Variants in CYFIP1 observed in about 807,000 individuals in gnomAD.
CYFIP1 encodes the protein cytoplasmic FMR1 interacting protein 1, also known as cytoplasmic FMR1-interacting protein 1.
Under a neutral mutation model 163.5 loss-of-function variants are expected in CYFIP1, and 58 were observed. The observed-to-expected ratio is 0.35, with a 90% CI of 0.29 to 0.44. The LOEUF (loss-of-function observed/expected upper bound fraction) is 0.44. Among genes scored for constraint, CYFIP1 ranks in the 20% least tolerant of loss-of-function variants. The pLI is 1.00. For missense variants in CYFIP1, 1,338 were observed against 1,653.8 expected (o/e 0.81, Z 3.31); for synonymous variants, 663 against 660.7 (o/e 1.00, Z -0.05).
chr15:22,955,828 C>T lies in CYFIP1; in HGVS notation c.-6-8537G>A, dbSNP rs150727797. 1.9e-3 allele frequency among the ~76,000 whole-genome samples: 296 copies of T among 152,314 alleles called. 12 individuals carry two copies. The South Asian group carries it at 0.056, about 29-fold the overall frequency. ...CCCTGGACCTCACTTCTCCACACAG[C>T]AGACATCCCAGGAGATGGGAGGGTG... On this transcript the variant is annotated intron_variant, in intron 1 of 30. Coordinates refer to ENST00000617928, the MANE Select transcript of CYFIP1 (RefSeq NM_014608.6).
At chr15:22,918,964 G>A (rs1292038655) in intron 13 of CYFIP1, 106 bp from the exon 14 acceptor site, 19 of 876,584 alleles carry the variant, frequency 2.2e-5, no homozygotes, top group East Asian at 1.3e-4. Context: ...AGCACCTTAC[G>A]CCCTCCCGCG....
At chr15:22,894,549 C>T (rs1373062354) in intron 22 of CYFIP1, among the ~76,000 whole-genome samples, 3 of 151,440 alleles carry the variant, frequency 2.0e-5, no homozygotes, top group Admixed American at 6.6e-5. Flanking sequence ...CTTGGCCTCC[C>T]GAAGTGCTGG....
intron 1 of CYFIP1, among the ~76,000 whole-genome samples, chr15:22,976,800 C>A (rs970378600): frequency 6.6e-6 from 1 of 152,168 alleles, no homozygotes; most frequent in Non-Finnish European, 1.5e-5. Context: ...TGGAACGTAT[C>A]GTCCATGGAT....
chr15:22,924,474 G>T (rs1011430628), intron 13 of CYFIP1, among the ~76,000 whole-genome samples: 1 of 152,102 alleles, frequency 6.6e-6, no homozygotes, highest in Non-Finnish European at 1.5e-5. Context: ...CTTTGTGAAA[G>T]CCAGTCACAA....
At chr15:22,946,207 G>A (rs1405966632) in intron 3 of CYFIP1, among the ~76,000 whole-genome samples, 1 of 151,986 alleles carries the variant, frequency 6.6e-6, no homozygotes, top group Non-Finnish European at 1.5e-5. Context: ...AGGAGGCAGA[G>A]GTGGGAGGAT....
intron 26 of CYFIP1, among the ~76,000 whole-genome samples, chr15:22,877,552 G>A (rs1235689445): frequency 6.6e-6 from 1 of 152,198 alleles, no homozygotes; most frequent in African/African-American, 2.4e-5. Context: ...TTAAAGAGAT[G>A]CTTCCTAACA....
chr15:22,949,591 T>G (rs1224313764), intron 1 of CYFIP1, among the ~76,000 whole-genome samples: 2 of 152,126 alleles, frequency 1.3e-5, no homozygotes, highest in Non-Finnish European at 2.9e-5. Context: ...ATCAAAGTAC[T>G]GTCTAATGGG....
At chr15:22,908,389 C>G (rs907098846) in intron 21 of CYFIP1, among the ~76,000 whole-genome samples, 1 of 151,896 alleles carries the variant, frequency 6.6e-6, no homozygotes, top group Non-Finnish European at 1.5e-5. Flanking sequence ...CCTGAAGGTC[C>G]AGATAACAGG....
intron 1 of CYFIP1, among the ~76,000 whole-genome samples, chr15:22,959,184 C>T (rs2062588554): frequency 6.6e-6 from 1 of 152,194 alleles, no homozygotes; most frequent in Admixed American, 6.5e-5. Flanking sequence ...CTGTTTCTTT[C>T]CCACCTGTGT....
At chr15:22,872,410 G>A (rs2059462018) in intron 30 of CYFIP1, among the ~76,000 whole-genome samples, 1 of 152,080 alleles carries the variant, frequency 6.6e-6, no homozygotes, top group Admixed American at 6.5e-5. Context: ...AGAATAGGGA[G>A]AATGGAAAGG....
At chr15:22,931,907 T>C (rs900868259) in intron 11 of CYFIP1, among the ~76,000 whole-genome samples, 11 of 152,100 alleles carry the variant, frequency 7.2e-5, no homozygotes, top group African/African-American at 2.7e-4. Flanking sequence ...ATACATACCA[T>C]TGTGTTACAA....
At chr15:22,978,688 T>G (rs1369936967) in intron 1 of CYFIP1, among the ~76,000 whole-genome samples, 1 of 152,134 alleles carries the variant, frequency 6.6e-6, no homozygotes, top group Non-Finnish European at 1.5e-5. Flanking sequence ...CATTTTAGTC[T>G]CTCTCTCAGG....
In CYFIP1 at chr15:22,909,323, A is replaced by C. The variant is rs746421243; in HGVS notation, c.2269-10T>G. On this transcript the variant is annotated splice_polypyrimidine_tract_variant and intron_variant, in intron 20 of 30. Coordinates refer to ENST00000617928, the MANE Select transcript of CYFIP1 (RefSeq NM_014608.6). ...TTGATCTGCCGAGGAGCTGGCGTACACAGGGAAGGATGGCAGGTAAAGAGT... is the reference window on the plus strand; with the variant it reads ...TTGATCTGCCGAGGAGCTGGCGTACCCAGGGAAGGATGGCAGGTAAAGAGT... 1 of 1,613,962 alleles carries C rather than the reference A, an allele frequency of 6.2e-7. No individual in the cohort carries two copies. The highest frequency in any genetic ancestry group is 1.3e-5 in the African/African-American group (1 of 75,044).
At chr15:22,967,353 C>T (rs1237860641) in intron 1 of CYFIP1, among the ~76,000 whole-genome samples, 1 of 152,188 alleles carries the variant, frequency 6.6e-6, no homozygotes, top group African/African-American at 2.4e-5. Flanking sequence ...GAGCACGCTC[C>T]CAGATCTCAC....
intron 26 of CYFIP1, 96 bp downstream of exon 26, chr15:22,879,817 C>G (rs1284478953): frequency 1.8e-5 from 16 of 890,082 alleles, no homozygotes; most frequent in Middle Eastern, 3.4e-4. Context: ...TGCCACACCC[C>G]CACTAAAGAA....
At chr15:22,880,186 C>G (rs1023244650) in intron 25 of CYFIP1, 143 bp from the exon 26 acceptor site, 20 of 1,148,272 alleles carry the variant, frequency 1.7e-5, no homozygotes, top group Non-Finnish European at 2.5e-5. Flanking sequence ...CCATCCCCAG[C>G]ATCTTCCCTG....
At chr15:22,891,385 A>G (rs1384250839) in intron 23 of CYFIP1, among the ~76,000 whole-genome samples, 2 of 152,230 alleles carry the variant, frequency 1.3e-5, no homozygotes, top group Non-Finnish European at 2.9e-5. Context: ...AGATCATGCC[A>G]CTGCCCTCCA....
intron 25 of CYFIP1, 111 bp downstream of exon 25, chr15:22,881,735 C>T: frequency 1.0e-6 from 1 of 1,001,186 alleles, no homozygotes; most frequent in Non-Finnish European, 1.5e-6. Flanking sequence ...ATTTGTCTGT[C>T]TACTGCCTCT....
rs760825959 is a variant in CYFIP1, at chr15:22,944,671, G to C, written c.286-12C>G. The C allele has an allele frequency of 2.5e-6, 4 of 1,609,454 alleles. No homozygotes were observed. In the African/African-American group the frequency reaches 5.3e-5, roughly 22 times the overall value. On this transcript the variant is annotated splice_polypyrimidine_tract_variant and intron_variant, in intron 4 of 30. Transcript: ENST00000617928. ...TCGTTACATTTCACCTGGGAATAAA[G>C]GAACAAGGATGACATAAGAGGCTTT...
Sources: allele counts gnomAD v4.1 joint callset (sites outside exome capture counted in the v4.1 genomes callset), GRCh38; gene constraint gnomAD v4.1.1; transcripts MANE v1.5; gene names NCBI Gene and HGNC (gene_info 2026-07-23, HGNC 2026-07-21).